The following ANO10 variants were observed in gnomAD, a reference collection of about 807,000 sequenced individuals.
The protein encoded by ANO10 is anoctamin 10, also known as anoctamin-10.
In ANO10, 77 loss-of-function variants were observed where a neutral mutation model predicts 74.7. The observed-to-expected ratio is 1.03, with a 90% CI of 0.86 to 1.25. The LOEUF (loss-of-function observed/expected upper bound fraction) is 1.25. Among genes scored for constraint, ANO10 ranks in the 50% most tolerant of loss-of-function variants. The pLI is 0.00. For synonymous variants in ANO10, 279 were observed against 284.9 expected (o/e 0.98, Z 0.21); for missense variants, 721 against 778.1 (o/e 0.93, Z 0.87).
chr3:43,555,505 C>A, intron 9 of ANO10, 36 bp from the exon 10 acceptor site: 1 of 1,592,494 alleles, frequency 6.3e-7, no homozygotes, highest in Non-Finnish European at 8.6e-7. Flanking sequence ...ATTTTAATAT[C>A]ATACAATAGG....
At chr3:43,686,113 C>T (rs1014962861) in intron 1 of ANO10, among the ~76,000 whole-genome samples, 1 of 152,132 alleles carries the variant, frequency 6.6e-6, no homozygotes, top group Admixed American at 6.5e-5. Flanking sequence ...CACCATGCTC[C>T]TCTTCCTCAT....
intron 11 of ANO10, among the ~76,000 whole-genome samples, chr3:43,452,917 A>C (rs769067768): frequency 1.3e-5 from 2 of 152,218 alleles, no homozygotes; most frequent in Non-Finnish European, 2.9e-5. Context: ...TTTGATCTGT[A>C]GTTCCCTGAT....
intron 1 of ANO10, among the ~76,000 whole-genome samples, chr3:43,680,807 T>A (rs1575591238): frequency 6.6e-6 from 1 of 152,128 alleles, no homozygotes; most frequent in Non-Finnish European, 1.5e-5. Flanking sequence ...TTCAACCCAA[T>A]ATTTCATATC....
intron 12 of ANO10, among the ~76,000 whole-genome samples, chr3:43,378,216 A>G (rs1575603868): frequency 6.6e-6 from 1 of 152,368 alleles, no homozygotes. Context: ...AGGAAAGTGA[A>G]AGTGGGATGA....
intron 9 of ANO10, among the ~76,000 whole-genome samples, chr3:43,560,972 A>G (rs1383347024): frequency 6.6e-6 from 1 of 152,202 alleles, no homozygotes; most frequent in African/African-American, 2.4e-5. Context: ...CGCAAAGCAA[A>G]GCAGTCATGT....
At chr3:43,680,821 C>A (rs1575591248) in intron 1 of ANO10, among the ~76,000 whole-genome samples, 1 of 152,224 alleles carries the variant, frequency 6.6e-6, no homozygotes, top group East Asian at 1.9e-4. Context: ...TCATATCCAG[C>A]CAAACTAAGC....
rs960380180 is a variant in ANO10, at chr3:43,370,975, G to A, written c.1915-4001C>T. Reference sequence around the variant, plus strand: ...GACTCCATAGACTTGTGATAACCATGGTGGACACCACGGACCTCAAATGGC... The same window carrying A: ...GACTCCATAGACTTGTGATAACCATAGTGGACACCACGGACCTCAAATGGC... On this transcript the variant is annotated intron_variant, in intron 12 of 12. Coordinates refer to ENST00000292246, the MANE Select transcript of ANO10 (RefSeq NM_018075.5). 3.0e-4 allele frequency among the ~76,000 whole-genome samples: 45 copies of A among 152,086 alleles called. 1 individual carries two copies. Among genetic ancestry groups the A allele is most frequent in the Non-Finnish European group, 1.5e-5 (1 of 68,018 alleles).
At position 43,561,219 on chromosome 3, in the gene ANO10, C is replaced by A. The variant is rs761213683; in HGVS notation, c.1476+1G>T. The A allele has an allele frequency of 6.2e-7, 1 of 1,613,976 alleles. No homozygotes were observed. The highest frequency in any genetic ancestry group is 8.5e-7 in the Non-Finnish European group (1 of 1,179,836). ...TTTAATTCAGCAATATTCCAACTTA[C>A]CAAATAAGTTCCCATTTCTTTTTCC... On this transcript the variant is annotated splice_donor_variant, in intron 9 of 12. Coordinates refer to ENST00000292246, the MANE Select transcript of ANO10 (RefSeq NM_018075.5). LOFTEE classifies it high-confidence loss of function.
At chr3:43,560,446 C>T (rs1249014249) in intron 9 of ANO10, among the ~76,000 whole-genome samples, 1 of 152,136 alleles carries the variant, frequency 6.6e-6, no homozygotes, top group Middle Eastern at 3.2e-3. Context: ...AGGAGATAAA[C>T]TCATTCAAGA....
At chr3:43,578,865 G>A (rs140027035) in intron 5 of ANO10, among the ~76,000 whole-genome samples, 11 of 147,228 alleles carry the variant, frequency 7.5e-5, no homozygotes, top group Non-Finnish European at 1.0e-4. Context: ...AAGTTAAACA[G>A]TTGTTAAGTG....
intron 11 of ANO10, among the ~76,000 whole-genome samples, chr3:43,469,648 T>C (rs1240153027): frequency 6.6e-6 from 1 of 152,192 alleles, no homozygotes; most frequent in Non-Finnish European, 1.5e-5. Flanking sequence ...GTCAAAGGTT[T>C]CTTCTCCAGA....
At chr3:43,623,900 A>T (rs2083469441), upstream of ANO10, among the ~76,000 whole-genome samples, 1 of 152,228 alleles carries the variant, frequency 6.6e-6, no homozygotes. Flanking sequence ...ATAAGTTTAG[A>T]CATGAATTAC....
At chr3:43,562,347 G>A (rs1294159353) in intron 8 of ANO10, among the ~76,000 whole-genome samples, 2 of 151,312 alleles carry the variant, frequency 1.3e-5, no homozygotes, top group Non-Finnish European at 2.9e-5. Context: ...AGCTACTCAG[G>A]AAGCTGAGGC....
At chr3:43,438,483 G>T (rs1379430059) in intron 11 of ANO10, among the ~76,000 whole-genome samples, 1 of 151,612 alleles carries the variant, frequency 6.6e-6, no homozygotes, top group Non-Finnish European at 1.5e-5. Context: ...GGTGGCTCAC[G>T]CCTGTAATCC....
At chr3:43,654,050 G>A (rs1355620752) in intron 1 of ANO10, among the ~76,000 whole-genome samples, 1 of 151,920 alleles carries the variant, frequency 6.6e-6, no homozygotes, top group African/African-American at 2.4e-5. Flanking sequence ...ACCAGGGAAG[G>A]GCAGAGAAGA....
intron 12 of ANO10, among the ~76,000 whole-genome samples, chr3:43,384,044 T>C (rs2125702264): frequency 6.6e-6 from 1 of 152,306 alleles, no homozygotes; most frequent in South Asian, 2.1e-4. Flanking sequence ...AAAAAGTTCC[T>C]AGAACTGGTA....
At chr3:43,493,047 T>C (rs1055502785) in intron 11 of ANO10, among the ~76,000 whole-genome samples, 2 of 152,136 alleles carry the variant, frequency 1.3e-5, no homozygotes, top group African/African-American at 4.8e-5. Context: ...CAAATGTCCA[T>C]CAATGATAGA....
chr3:43,684,935 G>A (rs1291962886), intron 1 of ANO10, among the ~76,000 whole-genome samples: 2 of 152,118 alleles, frequency 1.3e-5, no homozygotes, highest in Non-Finnish European at 2.9e-5. Flanking sequence ...CTGTTGTGGG[G>A]TCGGGGGCAT....
intron 11 of ANO10, among the ~76,000 whole-genome samples, chr3:43,464,214 T>C (rs1328073134): frequency 6.6e-6 from 1 of 152,100 alleles, no homozygotes; most frequent in Non-Finnish European, 1.5e-5. Context: ...GGAGGGGACA[T>C]TCATGAGGAC....
Sources: allele counts gnomAD v4.1 joint callset (sites outside exome capture counted in the v4.1 genomes callset), GRCh38; gene constraint gnomAD v4.1.1; transcripts MANE v1.5; gene names NCBI Gene and HGNC (gene_info 2026-07-23, HGNC 2026-07-21).